The following KCNH1 variants were observed in gnomAD, a reference collection of about 807,000 sequenced individuals.
KCNH1 encodes voltage-gated delayed rectifier potassium channel KCNH1.
In KCNH1, 27 loss-of-function variants were observed where a neutral mutation model predicts 69.2. That is an observed-to-expected ratio of 0.39 (90% CI 0.29 to 0.54). KCNH1 has a LOEUF of 0.54. Among genes scored for constraint, KCNH1 ranks in the 20% least tolerant of loss-of-function variants. The pLI, the probability that KCNH1 is intolerant of heterozygous loss-of-function variation, is 0.68. For missense variants in KCNH1, 798 were observed against 1,261.6 expected (o/e 0.63, Z 5.57); for synonymous variants, 456 against 487.7 (o/e 0.93, Z 0.86).
At chr1:210,843,908 T>C (rs192831672) in intron 7 of KCNH1, among the ~76,000 whole-genome samples, 3 of 152,274 alleles carry the variant, frequency 2.0e-5, no homozygotes, top group African/African-American at 7.2e-5. Flanking sequence ...GAATAGCAAT[T>C]GACTCTGAGT....
At chr1:211,069,875 G>A (rs889873609) in intron 5 of KCNH1, among the ~76,000 whole-genome samples, 11 of 152,002 alleles carry the variant, frequency 7.2e-5, no homozygotes, top group South Asian at 4.2e-4. Flanking sequence ...TATATTTTAC[G>A]GTAGTAAGTG....
At chr1:210,938,476 C>G (rs2102584940) in intron 6 of KCNH1, among the ~76,000 whole-genome samples, 2 of 152,304 alleles carry the variant, frequency 1.3e-5, no homozygotes, top group South Asian at 2.1e-4. Flanking sequence ...AAATACAACA[C>G]AACCCCACTT....
chr1:210,737,915 C>A (rs908839072), intron 10 of KCNH1, among the ~76,000 whole-genome samples: 3 of 152,196 alleles, frequency 2.0e-5, no homozygotes, highest in Non-Finnish European at 2.9e-5. Flanking sequence ...ACATAGTTAC[C>A]AAATTTATCT....
At chr1:210,755,214 A>G (rs1020620444) in intron 10 of KCNH1, among the ~76,000 whole-genome samples, 1 of 152,172 alleles carries the variant, frequency 6.6e-6, no homozygotes, top group East Asian at 1.9e-4. Context: ...CTTTGCTAAC[A>G]GATTAGGTGG....
chr1:210,806,836 A>AAATATATATATATATATATATAT (rs1553346591), intron 7 of KCNH1, among the ~76,000 whole-genome samples: 22 of 85,400 alleles, frequency 2.6e-4, no homozygotes, highest in Non-Finnish European at 4.1e-4. Flanking sequence ...AAAAAAAAAA[A>AAATATATATATATATATATATAT]ATATATATAT....
intron 9 of KCNH1, among the ~76,000 whole-genome samples, chr1:210,777,604 A>T (rs576938134): frequency 6.6e-5 from 10 of 152,320 alleles, no homozygotes; most frequent in African/African-American, 2.4e-4. Flanking sequence ...CTAACCAACA[A>T]GGCTGGCCAA....
intron 10 of KCNH1, among the ~76,000 whole-genome samples, chr1:210,758,538 C>T (rs1683446477): frequency 6.6e-6 from 1 of 152,180 alleles, no homozygotes; most frequent in Non-Finnish European, 1.5e-5. Context: ...GTGGAACCCC[C>T]TCCCCTGGAG....
chr1:210,917,848 G>C (rs1687380452), intron 7 of KCNH1, among the ~76,000 whole-genome samples: 1 of 152,168 alleles, frequency 6.6e-6, no homozygotes, highest in Non-Finnish European at 1.5e-5. Flanking sequence ...TTCTAGAAGA[G>C]AAAAGATCTT....
intron 6 of KCNH1, among the ~76,000 whole-genome samples, chr1:210,926,102 T>C (rs1372207175): frequency 1.3e-5 from 2 of 152,044 alleles, no homozygotes; most frequent in Non-Finnish European, 2.9e-5. Context: ...CTACTAAAAA[T>C]ACAAAATATT....
chr1:210,932,575 A>G (rs1574346012), intron 6 of KCNH1, among the ~76,000 whole-genome samples: 1 of 152,160 alleles, frequency 6.6e-6, no homozygotes, highest in Non-Finnish European at 1.5e-5. Flanking sequence ...GGATGAATGA[A>G]TAAAAAACCA....
chr1:210,717,872 G>A (rs1394914711), intron 10 of KCNH1, among the ~76,000 whole-genome samples: 5 of 152,124 alleles, frequency 3.3e-5, no homozygotes, highest in East Asian at 1.9e-4. Context: ...TTGGGAGGTC[G>A]AGGTGGGAAG....
chr1:210,978,210 TTGTATTTTTAGTA>T (rs893327963), intron 6 of KCNH1, among the ~76,000 whole-genome samples: 1 of 152,018 alleles, frequency 6.6e-6, no homozygotes, highest in African/African-American at 2.4e-5. Flanking sequence ...GGCTAATTTT[TTGTATTTTTAGTA>T]GAGACAGGGT....
At chr1:211,107,063 T>A (rs924522934) in intron 2 of KCNH1, among the ~76,000 whole-genome samples, 191 bp downstream of exon 2, 4 of 152,196 alleles carry the variant, frequency 2.6e-5, no homozygotes, top group Admixed American at 2.6e-4. Context: ...TTGTCAGTTG[T>A]GGGAACTATG....
intron 6 of KCNH1, among the ~76,000 whole-genome samples, chr1:210,937,701 C>T (rs1390709352): frequency 6.6e-6 from 1 of 152,178 alleles, no homozygotes; most frequent in Non-Finnish European, 1.5e-5. Flanking sequence ...GGCCACGTAG[C>T]CTCCAAATGT....
Position 210,922,408 on chromosome 1 carries a change from A to AC in KCNH1, c.1033-2340_1033-2339insG, listed in dbSNP as rs1574340570. On this transcript the variant is annotated intron_variant, in intron 6 of 10. Coordinates refer to ENST00000271751, the MANE Select transcript of KCNH1 (RefSeq NM_172362.3). ...CAAAAAAAAAAAAAAAAAAAAAAAA[A>AC]AAAAAAAAAAAAACCTGACAAGTTT... 5.3e-5 allele frequency among the ~76,000 whole-genome samples: 6 copies of AC among 113,032 alleles called. No individual in the cohort carries two copies. The South Asian group carries it at 8.2e-4, about 15-fold the overall frequency. The allele number at this position is 113,032 out of a possible 152,430, so 74.2% of individuals were successfully genotyped here.
intron 10 of KCNH1, among the ~76,000 whole-genome samples, chr1:210,695,615 C>G (rs1443432503): frequency 6.6e-6 from 1 of 152,140 alleles, no homozygotes; most frequent in Non-Finnish European, 1.5e-5. Context: ...TTTGTGACCC[C>G]AAAACTAGAA....
chr1:210,764,417 C>G (rs911368430), intron 10 of KCNH1, among the ~76,000 whole-genome samples: 2 of 152,116 alleles, frequency 1.3e-5, no homozygotes, highest in Non-Finnish European at 2.9e-5. Context: ...AAACTATGAA[C>G]AGAGTAAACA....
intron 6 of KCNH1, among the ~76,000 whole-genome samples, chr1:210,990,425 T>C (rs1228145242): frequency 1.3e-5 from 2 of 152,204 alleles, no homozygotes; most frequent in Non-Finnish European, 2.9e-5. Flanking sequence ...AGTGTTATGC[T>C]AGGCAGATTT....
intron 5 of KCNH1, among the ~76,000 whole-genome samples, chr1:211,050,251 A>C (rs35782151): frequency 1.5e-5 from 2 of 130,404 alleles, no homozygotes; most frequent in Non-Finnish European, 3.2e-5. Context: ...AACTCAGCCC[A>C]CACATTCTTA....
Sources: gnomAD v4.1 joint callset for allele counts (sites outside exome capture counted in the v4.1 genomes callset) on GRCh38, gnomAD v4.1.1 for gene constraint, MANE v1.5 for transcripts, NCBI Gene and HGNC (gene_info 2026-07-23, HGNC 2026-07-21) for gene names.